The following PCDHA11 variants were observed in gnomAD, a reference collection of about 807,000 sequenced individuals.
PCDHA11 encodes the protein protocadherin alpha-11.
Under a neutral mutation model 70.3 loss-of-function variants are expected in PCDHA11, and 61 were observed. That is an observed-to-expected ratio of 0.87 (90% confidence interval 0.71 to 1.07). The LOEUF (loss-of-function observed/expected upper bound fraction) is 1.07, where lower values mean the gene tolerates loss of function less well. Among genes scored for constraint, PCDHA11 ranks in the 50% least tolerant of loss-of-function variants. The pLI is 0.00. For missense variants in PCDHA11, 1,324 were observed against 1,237.5 expected, an observed-to-expected ratio of 1.07 and a Z score of -1.05; for synonymous variants, 633 against 555.1, an observed-to-expected ratio of 1.14 and a Z score of -1.97.
At chr5:140,978,572 A>T (rs1322135580) in intron 1 of PCDHA11, among the ~76,000 whole-genome samples, 2 of 152,234 alleles carry the variant, frequency 1.3e-5, no homozygotes, top group Non-Finnish European at 2.9e-5. Flanking sequence ...GTAATACTGA[A>T]TTGGGAATGT....
rs2055991111 is a variant in PCDHA11 at position 140,875,957 on chromosome 5, T to C, written c.2391+4463T>C. 1.1e-5 allele frequency: 17 copies of C among 1,614,050 alleles called. No individual in the cohort carries two copies. The highest frequency in any genetic ancestry group is 1.4e-5 in the Non-Finnish European group (16 of 1,180,000). ...CTAGAGGGCGCTTCTGATGCGGATA[T>C]CGGCGTAAACTCTCTTTTGACCTAT... On this transcript the variant is annotated intron_variant, in intron 1 of 3. Coordinates refer to ENST00000398640, the MANE Select transcript of PCDHA11 (RefSeq NM_018902.5).
At chr5:140,975,671 T>C (rs923429904) in intron 1 of PCDHA11, among the ~76,000 whole-genome samples, 2 of 152,248 alleles carry the variant, frequency 1.3e-5, no homozygotes, top group Admixed American at 6.5e-5. Context: ...TGTGAGTTTA[T>C]TAATAAAATA....
Position 140,927,620 on chromosome 5 carries a change from C to T in PCDHA11, c.2392-51329C>T, listed in dbSNP as rs2153590504. 6.2e-7 allele frequency: 1 copy of T among 1,614,196 alleles called. No homozygotes were observed. ...CGCTCCGTATACCGCACCAAGGTTC[C>T]AGAGACTGCACCCAATGGGACTGTG... is the stretch of plus-strand genomic sequence containing the variant. On this transcript the variant is annotated intron_variant, in intron 1 of 3. Coordinates refer to ENST00000398640, the MANE Select transcript of PCDHA11 (RefSeq NM_018902.5).
At chr5:140,965,281 G>A (rs574183012) in intron 1 of PCDHA11, among the ~76,000 whole-genome samples, 1 of 152,310 alleles carries the variant, frequency 6.6e-6, no homozygotes, top group African/African-American at 2.4e-5. Flanking sequence ...GACACAGCAT[G>A]GAAAGATTTC....
At chr5:140,928,157 C>T (rs782528366) in intron 1 of PCDHA11, 9 of 1,614,200 alleles carry the variant, frequency 5.6e-6, no homozygotes, top group Non-Finnish European at 7.6e-6. Flanking sequence ...GATAGTGGCT[C>T]ACCCCCACTT....
chr5:140,871,457 GGGAAAGACA>G lies in PCDHA11; in HGVS notation c.2358_2366del (p.Arg787_Glu789del), dbSNP rs782304525. On this transcript the variant is annotated inframe_deletion, in exon 1 of 4. Coordinates refer to ENST00000398640, the MANE Select transcript of PCDHA11 (RefSeq NM_018902.5). ...CTAGGTCTGAATAAAGAGGAGGAAGGGGAAAGACAGGAGCCAGGGTCAAATCACCCCGGA... is the reference window on the plus strand; with the variant it reads ...CTAGGTCTGAATAAAGAGGAGGAAGGGGAGCCAGGGTCAAATCACCCCGGA... The G allele has an allele frequency of 6.2e-7, 1 of 1,605,688 alleles. No individual in the cohort carries two copies. Among genetic ancestry groups the G allele is most frequent in the Non-Finnish European group, 8.5e-7 (1 of 1,175,472 alleles).
Position 141,010,042 on chromosome 5 carries a change from T to C in PCDHA11, c.*105T>C. 6.3e-7 allele frequency: 1 copy of C among 1,594,374 alleles called. No homozygotes were observed. The highest frequency in any genetic ancestry group is 8.5e-7 in the Non-Finnish European group (1 of 1,171,086). ...TTTTTCCTATCTACATGAGCCCTCT[T>C]AGAGACCTCAGAAATCTGCAGAAAG... On this transcript the variant is annotated 3_prime_UTR_variant, in exon 4 of 4. Transcript: ENST00000398640.
At chr5:140,915,686 A>G (rs1440972076) in intron 1 of PCDHA11, among the ~76,000 whole-genome samples, 2 of 150,988 alleles carry the variant, frequency 1.3e-5, no homozygotes, top group African/African-American at 2.4e-5. Flanking sequence ...AACTAGGGGT[A>G]TGGTGATGCA....
At position 140,982,295 on chromosome 5, in the gene PCDHA11, G is replaced by A. The variant is rs1047633434; in HGVS notation, c.2451-180G>A. ...AGTATAGCAGGCAATAAGTAAGTCA[G>A]CAATGCTTCTGCAGTTTATGCAGGG... On this transcript the variant is annotated intron_variant, in intron 2 of 3. Coordinates refer to ENST00000398640, the MANE Select transcript of PCDHA11 (RefSeq NM_018902.5). The A allele has an allele frequency of 3.4e-6, 4 of 1,160,172 alleles. No homozygotes were observed. In the Admixed American group the frequency reaches 8.4e-5, roughly 25 times the overall value. 71.9% of individuals were successfully genotyped at this position (1,160,172 alleles called of 1,614,324 possible).
intron 1 of PCDHA11, chr5:140,876,441 T>C (rs1582281358): frequency 6.2e-7 from 1 of 1,613,992 alleles, no homozygotes; most frequent in East Asian, 2.2e-5. Flanking sequence ...TTAACGCCAT[T>C]GATAAAGGGA....
intron 1 of PCDHA11, among the ~76,000 whole-genome samples, chr5:140,902,720 C>A (rs371638113): frequency 6.6e-6 from 1 of 152,050 alleles, no homozygotes; most frequent in African/African-American, 2.4e-5. Flanking sequence ...CCCCTCCCAC[C>A]CTTCCCTCCA....
At chr5:140,987,444 C>G (rs2097254283) in intron 3 of PCDHA11, among the ~76,000 whole-genome samples, 1 of 151,998 alleles carries the variant, frequency 6.6e-6, no homozygotes, top group African/African-American at 2.4e-5. Flanking sequence ...TCCCCATGCC[C>G]GAGAGATAAT....
intron 3 of PCDHA11, among the ~76,000 whole-genome samples, chr5:140,988,042 T>C (rs1365233473): frequency 1.3e-5 from 2 of 152,212 alleles, no homozygotes. Context: ...AGAATCTGTT[T>C]AGGAGCACTG....
At chr5:140,971,510 A>G (rs1166115283) in intron 1 of PCDHA11, among the ~76,000 whole-genome samples, 3 of 152,152 alleles carry the variant, frequency 2.0e-5, no homozygotes, top group Non-Finnish European at 2.9e-5. Flanking sequence ...TAGGAGCAAA[A>G]GCCACTCAGT....
intron 1 of PCDHA11, among the ~76,000 whole-genome samples, chr5:140,952,040 G>T (rs1243206064): frequency 1.3e-5 from 2 of 152,216 alleles, no homozygotes; most frequent in African/African-American, 4.8e-5. Context: ...CAGTAGGGCA[G>T]TTATTAAATC....
intron 3 of PCDHA11, among the ~76,000 whole-genome samples, chr5:140,990,330 A>C (rs1554251426): frequency 6.6e-6 from 1 of 152,122 alleles, no homozygotes; most frequent in African/African-American, 2.4e-5. Context: ...AAACTTTAAA[A>C]ATAAGTAAAG....
chr5:140,869,000 C>A lies in PCDHA11; in HGVS notation c.-104C>A. 2.0e-6 allele frequency: 3 copies of A among 1,518,418 alleles called. No homozygotes were observed. The highest frequency in any genetic ancestry group is 2.6e-6 in the Non-Finnish European group (3 of 1,136,250). The allele number at this position is 1,518,418 out of a possible 1,614,324, so 94.1% of individuals were successfully genotyped here. A position where few individuals can be genotyped will look rare whatever the true frequency, so the allele number is the denominator to read the frequency against. On this transcript the variant is annotated 5_prime_UTR_variant, in exon 1 of 4. Transcript: ENST00000398640. ...ATACCGGATGCCACCGTTTAAGGAT[C>A]CTTTGAAACTTCTTAAGAATTCAAC...
intron 1 of PCDHA11, chr5:140,969,200 G>C (rs2096305926): frequency 1.2e-6 from 2 of 1,614,132 alleles, no homozygotes; most frequent in Non-Finnish European, 1.7e-6. Flanking sequence ...TTACAATACA[G>C]GGGCCCAGAC....
chr5:140,871,712 A>G, intron 1 of PCDHA11: 1 of 805,086 alleles, frequency 1.2e-6, no homozygotes, highest in South Asian at 2.2e-5. Context: ...TAAATGTCCT[A>G]TTTCTCTTAA....
Sources: allele counts gnomAD v4.1 joint callset (sites outside exome capture counted in the v4.1 genomes callset), GRCh38; gene constraint gnomAD v4.1.1; transcripts MANE v1.5; gene names NCBI Gene and HGNC (gene_info 2026-07-23, HGNC 2026-07-21).